The following TENM2 variants were observed in gnomAD, a reference collection of about 807,000 sequenced individuals.
The protein encoded by TENM2 is teneurin transmembrane protein 2.
TENM2 carries 52 observed loss-of-function variants against 245.2 expected under a neutral mutation model. That is an observed-to-expected ratio of 0.21 (90% CI 0.17 to 0.27). TENM2 has a LOEUF of 0.27. Among genes scored for constraint, TENM2 ranks in the 10% least tolerant of loss-of-function variants. The pLI is 1.00. For synonymous variants in TENM2, 1,363 were observed against 1,438.9 expected (o/e 0.95, Z 1.19); for missense variants, 3,046 against 3,666.8 (o/e 0.83, Z 4.37).
At chr5:167,170,019 C>T in the TENM2 span, among the ~76,000 whole-genome samples, 514 of 152,292 alleles carry the variant, frequency 3.4e-3, no homozygotes, top group Middle Eastern at 0.01. Flanking sequence ...GTCCTGATAC[C>T]TCCTTCAGTA....
At chr5:168,077,332 A>T (rs530386603) in intron 7 of TENM2, among the ~76,000 whole-genome samples, 1 of 152,140 alleles carries the variant, frequency 6.6e-6, no homozygotes, top group Non-Finnish European at 1.5e-5. Flanking sequence ...TTTTTCATTC[A>T]TGCAATAAAG....
chr5:167,445,666 G>A (rs67460411), intron 2 of TENM2, among the ~76,000 whole-genome samples: 59,267 of 151,824 alleles, frequency 0.39, 12,835 homozygotes, highest in East Asian at 0.63. Context: ...ATATCCTATA[G>A]GCAGTGTAAA....
At chr5:167,744,297 C>T (rs1761406008) in intron 2 of TENM2, among the ~76,000 whole-genome samples, 1 of 152,160 alleles carries the variant, frequency 6.6e-6, no homozygotes. Context: ...GATCCCCATC[C>T]TTCCTCACTG....
chr5:167,860,855 A>T (rs1441266346), intron 2 of TENM2, among the ~76,000 whole-genome samples: 1 of 104,118 alleles, frequency 9.6e-6, no homozygotes, highest in African/African-American at 3.8e-5. Context: ...CATGCTCGTT[A>T]AGAGTCATCA....
chr5:167,593,668 T>G (rs775491152), intron 2 of TENM2, among the ~76,000 whole-genome samples: 42 of 152,342 alleles, frequency 2.8e-4, no homozygotes, highest in Non-Finnish European at 5.9e-5. Flanking sequence ...CTATAAGCTC[T>G]GGATTTGCCT....
rs578012096 is a variant in TENM2, at chr5:167,589,180, C to T, written c.502+213707C>T. Among the ~76,000 whole-genome samples the T allele has an allele frequency of 1.6e-4, 22 of 140,842 alleles. No homozygotes were observed. The South Asian group carries it at 3.9e-3, about 25-fold the overall frequency. 92.4% of individuals were successfully genotyped at this position (140,842 alleles called of 152,430 possible). A position where few individuals can be genotyped will look rare whatever the true frequency, so the allele number is the denominator to read the frequency against. ...TTGTGCCATTGCATGCCAGCCTGGG[C>T]GACAGAGGGAGGCTGTCTCAAAAAA... On this transcript the variant is annotated intron_variant, in intron 2 of 28. Coordinates refer to ENST00000518659, the Ensembl canonical transcript of TENM2.
the TENM2 span, chr5:167,119,595 A>G: frequency 6.6e-6 from 1 of 152,250 alleles, no homozygotes; most frequent in Non-Finnish European, 1.5e-5. Flanking sequence ...ACCCTGACTG[A>G]TGCTGTAATG....
chr5:167,709,352 A>G (rs890259756), intron 2 of TENM2, among the ~76,000 whole-genome samples: 1 of 152,090 alleles, frequency 6.6e-6, no homozygotes, highest in Non-Finnish European at 1.5e-5. Context: ...TTTTGTATCT[A>G]TCTTATTTGA....
chr5:167,843,873 C>T (rs1330653900), intron 2 of TENM2, among the ~76,000 whole-genome samples: 1 of 152,164 alleles, frequency 6.6e-6, no homozygotes, highest in East Asian at 1.9e-4. Flanking sequence ...CTTGAAATTG[C>T]TACTTTGTGT....
At chr5:167,900,936 G>T (rs918066827) in intron 3 of TENM2, among the ~76,000 whole-genome samples, 3 of 152,038 alleles carry the variant, frequency 2.0e-5, no homozygotes, top group Non-Finnish European at 2.9e-5. Context: ...GAGGAGTCCT[G>T]CGGGGTGGGG....
chr5:167,642,532 TACAC>T, intron 2 of TENM2, among the ~76,000 whole-genome samples: 1 of 152,250 alleles, frequency 6.6e-6, no homozygotes, highest in East Asian at 1.9e-4. Context: ...TGTTTTTTTA[TACAC>T]ACACACACTC....
chr5:168,052,414 A>G (rs1190132461), intron 6 of TENM2, among the ~76,000 whole-genome samples: 1 of 151,952 alleles, frequency 6.6e-6, no homozygotes, highest in Non-Finnish European at 1.5e-5. Context: ...ACCCACACAC[A>G]CACACATATA....
intron 2 of TENM2, among the ~76,000 whole-genome samples, chr5:167,548,076 G>A (rs145367740): frequency 1.3e-5 from 2 of 152,312 alleles, no homozygotes; most frequent in Non-Finnish European, 2.9e-5. Context: ...TCCCCAGGAT[G>A]AGAGGTTTGA....
intron 2 of TENM2, among the ~76,000 whole-genome samples, chr5:167,716,992 TG>T: frequency 6.6e-6 from 1 of 151,758 alleles, no homozygotes; most frequent in East Asian, 1.9e-4. Context: ...AGTCTTGCTC[TG>T]TTGCCTAGAC....
intron 27 of TENM2, among the ~76,000 whole-genome samples, chr5:168,250,107 GATGGATGGATGGA>G (rs1766972319): frequency 5.7e-4 from 1 of 1,762 alleles, no homozygotes. Context: ...TGGATGAGTG[GATGGATGGATGGA>G]TGGATGGATG....
chr5:167,092,749 C>T, the TENM2 span, among the ~76,000 whole-genome samples: 3 of 152,210 alleles, frequency 2.0e-5, no homozygotes, highest in African/African-American at 7.2e-5. Flanking sequence ...GACAACTGCA[C>T]TATAGTCACT....
At chr5:167,469,862 G>T (rs555032050) in intron 2 of TENM2, among the ~76,000 whole-genome samples, 2 of 152,076 alleles carry the variant, frequency 1.3e-5, no homozygotes, top group South Asian at 4.1e-4. Flanking sequence ...TTCTGAACAA[G>T]AAATTTCTTA....
chr5:167,046,464 G>A, the TENM2 span, among the ~76,000 whole-genome samples: 4 of 152,208 alleles, frequency 2.6e-5, no homozygotes, highest in East Asian at 7.7e-4. Flanking sequence ...AAAATGGAAC[G>A]GGAACAGTCG....
At chr5:167,165,511 G>A in the TENM2 span, 1 of 152,038 alleles carries the variant, frequency 6.6e-6, no homozygotes, top group South Asian at 2.1e-4. Context: ...GAAAGAAGAG[G>A]GGACATCAAT....
Sources: allele counts gnomAD v4.1 joint callset (sites outside exome capture counted in the v4.1 genomes callset), GRCh38; gene constraint gnomAD v4.1.1; transcripts MANE v1.5; gene names NCBI Gene and HGNC (gene_info 2026-07-23, HGNC 2026-07-21).